FUOM: variants seen among roughly 807,000 people sequenced by gnomAD.
FUOM encodes protein fucU homolog.
In FUOM, 19 loss-of-function variants were observed where a neutral mutation model predicts 18.3. The ratio of observed to expected loss-of-function variants is 1.04; its 90% CI spans 0.73 to 1.53. FUOM has a LOEUF of 1.53. FUOM is among the 40% of genes most tolerant of loss of function. The probability of loss-of-function intolerance (pLI) is 0.00; values close to 1 mark genes in which losing one functional copy is unlikely to be tolerated. For missense variants in FUOM, 210 were observed against 200.9 expected, an observed-to-expected ratio of 1.04 and a Z score of -0.27; for synonymous variants, 102 against 87.9, an observed-to-expected ratio of 1.16 and a Z score of -0.90.
Position 133,355,178 on chromosome 10 carries a change from G to GT in FUOM, c.*191dup. ...TGGAATTGGACTCTTGAGACTGAAC[G>GT]TTTTTCCATCATTTTCACAAATCAG... On this transcript the variant is annotated 3_prime_UTR_variant, in exon 6 of 6. Transcript: ENST00000278025. The GT allele has an allele frequency of 1.6e-6, 1 of 629,222 alleles. No homozygotes were observed. The highest frequency in any genetic ancestry group is 2.7e-6 in the Non-Finnish European group (1 of 364,506). 39.0% of individuals were successfully genotyped at this position (629,222 alleles called of 1,614,324 possible).
chr10:133,354,553 C>T (rs1848732351), downstream of FUOM, among the ~76,000 whole-genome samples: 1 of 152,162 alleles, frequency 6.6e-6, no homozygotes, highest in African/African-American at 2.4e-5. Flanking sequence ...CTTCCTGTAC[C>T]TGTCACTGCA....
At chr10:133,353,367 T>C (rs2133409676), downstream of FUOM, among the ~76,000 whole-genome samples, 1 of 152,290 alleles carries the variant, frequency 6.6e-6, no homozygotes, top group South Asian at 2.1e-4. Context: ...ACCGCATGTG[T>C]CCTGGGCACA....
At position 133,356,588 on chromosome 10, in the gene FUOM, A is replaced by C; in HGVS notation, c.324+52T>G. 2.2e-6 allele frequency: 3 copies of C among 1,373,920 alleles called. No individual in the cohort carries two copies. In the South Asian group the frequency reaches 4.4e-5, roughly 20 times the overall value. The allele number at this position is 1,373,920 out of a possible 1,614,324, so 85.1% of individuals were successfully genotyped here. ...TGTCTTTGGCTCCTCCTGAGCCTCC[A>C]GGAGACAGAGGGTCCCTGGCCTTTT... On this transcript the variant is annotated intron_variant, in intron 4 of 5. Coordinates refer to ENST00000278025, the MANE Select transcript of FUOM (RefSeq NM_001098483.3).
Position 133,356,944 on chromosome 10 carries a change from G to A in FUOM, c.224C>T (p.Pro75Leu), listed in dbSNP as rs759376540. The A allele has an allele frequency of 1.4e-5, 22 of 1,550,098 alleles. No individual in the cohort carries two copies. Among genetic ancestry groups the A allele is most frequent in the Middle Eastern group, 1.7e-4 (1 of 5,994 alleles). The change falls in exon 3 of 6, where the codon CCG becomes CTG. Residue 75 changes from proline to leucine, a missense_variant and splice_region_variant. Physicochemically the swap from Pro to Leu is moderately conservative, Grantham distance 98. Transcript: ENST00000278025. ...LLPLDTYVES[P>L]AAVMELVPSD... is the part of the protein sequence containing the mutation. ...GTGCAGGGGCGACTCAGCCCTCACCGGACTCTCCACATAGGTGTCCAGGGG... is the reference window on the plus strand; with the variant it reads ...GTGCAGGGGCGACTCAGCCCTCACCAGACTCTCCACATAGGTGTCCAGGGG...
chr10:133,353,729 C>T (rs1848719813), downstream of FUOM, among the ~76,000 whole-genome samples: 1 of 152,150 alleles, frequency 6.6e-6, no homozygotes, highest in South Asian at 2.1e-4. Context: ...AGGCCAGTGA[C>T]CTTTGAGGTT....
In FUOM at chr10:133,357,173, T is replaced by C. The variant is rs745830050; in HGVS notation, c.154+14A>G. ...CCCGCCCGCCCTGCCCTGGGGGACC[T>C]GGGGCTCGCTCACCGTCTGCACGGA... On this transcript the variant is annotated intron_variant, in intron 2 of 5. Transcript: ENST00000278025. 5.3e-5 allele frequency: 80 copies of C among 1,522,536 alleles called. 3 individuals carry two copies. The South Asian group carries it at 7.9e-4, about 15-fold the overall frequency. The allele number at this position is 1,522,536 out of a possible 1,614,324, so 94.3% of individuals were successfully genotyped here.
Position 133,355,264 on chromosome 10 carries a change from A to G in FUOM, c.*106T>C. 7.6e-7 allele frequency: 1 copy of G among 1,312,976 alleles called. No individual in the cohort carries two copies. The allele number at this position is 1,312,976 out of a possible 1,614,324, so 81.3% of individuals were successfully genotyped here. A position where few individuals can be genotyped will look rare whatever the true frequency, so the allele number is the denominator to read the frequency against. ...ACTGCCGGCCCCTAGAGCCCTGGCC[A>G]GGGCCCAGGTCTGGGAGCTGCCACT... On this transcript the variant is annotated 3_prime_UTR_variant, in exon 6 of 6. Coordinates refer to ENST00000278025, the MANE Select transcript of FUOM (RefSeq NM_001098483.3).
chr10:133,355,816 A>G lies in FUOM; in HGVS notation c.325-5T>C, dbSNP rs768087672. 16 of 1,612,276 alleles carry G rather than the reference A, an allele frequency of 9.9e-6. No individual in the cohort carries two copies. The African/African-American group carries it at 1.6e-4, about 16-fold the overall frequency. On this transcript the variant is annotated splice_region_variant and splice_polypyrimidine_tract_variant and intron_variant, in intron 4 of 5. Coordinates refer to ENST00000278025, the MANE Select transcript of FUOM (RefSeq NM_001098483.3). ...CTCTATCTTTGCCAGGGCTCTCTGG[A>G]AGACAAAATGGCAGGGTTGGAGGGA...
At chr10:133,357,092 T>A in intron 2 of FUOM, 79 bp from the exon 3 acceptor site, 1 of 1,538,580 alleles carries the variant, frequency 6.5e-7, no homozygotes, top group South Asian at 1.2e-5. Context: ...ACTGCAAGCA[T>A]GGACTTGGGG....
chr10:133,355,510 G>T, intron 5 of FUOM, 74 bp from the exon 6 acceptor site: 1 of 1,606,444 alleles, frequency 6.2e-7, no homozygotes, highest in East Asian at 2.2e-5. Context: ...CAGCATCTGG[G>T]GGACAGAGCA....
In FUOM at chr10:133,356,968, G is replaced by C. The variant is rs1202261508; in HGVS notation, c.200C>G (p.Pro67Arg). ...QLLEAVLKLLPLDTYVESPAA... is the reference protein window; with the variant it reads ...QLLEAVLKLLRLDTYVESPAA... ...CGGACTCTCCACATAGGTGTCCAGG[G>C]GCAGCAGCTTCAGCACGGCCTCCAG... The change falls in exon 3 of 6, where the codon CCC (proline) becomes CGC (arginine). Residue 67 changes from proline (P) to arginine (R), a missense_variant. By Grantham distance (103) the Pro-to-Arg change is moderately radical (BLOSUM62 -2). Transcript: ENST00000278025. The C allele has an allele frequency of 6.5e-7, 1 of 1,550,342 alleles. No homozygotes were observed. Among genetic ancestry groups the C allele is most frequent in the African/African-American group, 1.4e-5 (1 of 73,184 alleles).
Position 133,356,740 on chromosome 10 carries a change from T to C in FUOM, c.226-2A>G. ...GGGCACCAGCTCCATGACTGCAGCCTAGAGGGAGGGGTCAGCTCTGGGGCC... is the reference window on the plus strand; with the variant it reads ...GGGCACCAGCTCCATGACTGCAGCCCAGAGGGAGGGGTCAGCTCTGGGGCC... On this transcript the variant is annotated splice_acceptor_variant, in intron 3 of 5. Transcript: ENST00000278025. LOFTEE classifies it high-confidence loss of function. 6.4e-7 allele frequency: 1 copy of C among 1,574,204 alleles called. No homozygotes were observed. The highest frequency in any genetic ancestry group is 8.6e-7 in the Non-Finnish European group (1 of 1,160,526).
chr10:133,358,019 C>CG, upstream of FUOM: 2 of 1,367,654 alleles, frequency 1.5e-6, no homozygotes, highest in Non-Finnish European at 1.9e-6. Context: ...GCCCGGCAGA[C>CG]GGGGCGGGCG....
chr10:133,357,203 C>T lies in FUOM; in HGVS notation c.138G>A (p.Met46Ile). Residue 46 changes from methionine (M) to isoleucine (I), a missense_variant, in exon 2 of 6, where the codon ATG becomes ATA. By Grantham distance (10) the Met-to-Ile change is conservative (BLOSUM62 1). Coordinates refer to ENST00000278025, the MANE Select transcript of FUOM (RefSeq NM_001098483.3). ...PASSICQCGP[M>I]EIRADGLGIP... ...CTCGCTCACCGTCTGCACGGATCTC[C>T]ATGGGCCCACACTGGCAGATGGAGG... is the stretch of plus-strand genomic sequence containing the variant. 6.3e-7 allele frequency: 1 copy of T among 1,580,186 alleles called. No individual in the cohort carries two copies. Among genetic ancestry groups the T allele is most frequent in the Non-Finnish European group, 8.6e-7 (1 of 1,164,248 alleles).
At position 133,357,935 on chromosome 10, in the gene FUOM, C is replaced by G. The variant is rs1163806933; in HGVS notation, c.73G>C (p.Gly25Arg). 2.0e-6 allele frequency: 3 copies of G among 1,525,516 alleles called. No individual in the cohort carries two copies. Among genetic ancestry groups the G allele is most frequent in the Non-Finnish European group, 1.8e-6 (2 of 1,140,030 alleles). The allele number at this position is 1,525,516 out of a possible 1,614,324, so 94.5% of individuals were successfully genotyped here. A position where few individuals can be genotyped will look rare whatever the true frequency, so the allele number is the denominator to read the frequency against. Residue 25 changes from glycine (G) to arginine (R), a missense_variant, in exon 1 of 6, where the codon GGG (glycine) becomes CGG (arginine). Physicochemically the swap from Gly to Arg is moderately radical, Grantham distance 125. Transcript: ENST00000278025. ...CCGCTGCGCTCACCGATCTCGTCCC[C>G]GTGCCCCATCCGCGCCAGCGCGTAG... ...LLYALARMGH[G>R]DEIVLADLNF...
chr10:133,354,843 C>A (rs373224481), downstream of FUOM, among the ~76,000 whole-genome samples: 2 of 152,202 alleles, frequency 1.3e-5, no homozygotes, highest in Admixed American at 6.5e-5. Flanking sequence ...CAGTTCCTCC[C>A]GAAGCGTCCA....
intron 3 of FUOM, 99 bp from the exon 4 acceptor site, chr10:133,356,837 G>A: frequency 4.8e-6 from 7 of 1,451,128 alleles, no homozygotes; most frequent in Non-Finnish European, 4.7e-6. Context: ...GCCCCTTTGG[G>A]GACACATGGC....
downstream of FUOM, among the ~76,000 whole-genome samples, chr10:133,353,560 CA>C (rs1848716822): frequency 6.6e-6 from 1 of 152,198 alleles, no homozygotes; most frequent in South Asian, 2.1e-4. Flanking sequence ...TGTGGCCACT[CA>C]GGGGGCTGAG....
Position 133,355,330 on chromosome 10 carries a change from C to T in FUOM, c.*40G>A, listed in dbSNP as rs1848751930. 6.4e-7 allele frequency: 1 copy of T among 1,557,202 alleles called. No individual in the cohort carries two copies. The highest frequency in any genetic ancestry group is 8.6e-7 in the Non-Finnish European group (1 of 1,157,650). ...AGTGGTGGTACTGGAGCTCAGGGTG[C>T]CCCCAGTTCCTCTTCCGGCCCAGGT... On this transcript the variant is annotated 3_prime_UTR_variant, in exon 6 of 6. Coordinates refer to ENST00000278025, the MANE Select transcript of FUOM (RefSeq NM_001098483.3).
Sources: allele counts gnomAD v4.1 joint callset (sites outside exome capture counted in the v4.1 genomes callset), GRCh38; gene constraint gnomAD v4.1.1; transcripts MANE v1.5; gene names NCBI Gene and HGNC (gene_info 2026-07-23, HGNC 2026-07-21).